JAG2: variants seen among roughly 807,000 people sequenced by gnomAD.
JAG2 encodes the protein jagged canonical Notch ligand 2, also known as protein jagged-2.
A neutral mutation model predicts 141.7 loss-of-function variants in JAG2; 46 were observed. The ratio of observed to expected loss-of-function variants is 0.32; its 90% CI spans 0.26 to 0.42. The LOEUF is 0.42. Among genes scored for constraint, JAG2 ranks in the 10% least tolerant of loss-of-function variants. The pLI is 1.00. For missense variants in JAG2, 1,500 were observed against 1,817.5 expected (o/e 0.83, Z 3.18); for synonymous variants, 862 against 763.5 (o/e 1.13, Z -2.13).
At chr14:105,161,635 C>T (rs1888751004) in intron 2 of JAG2, among the ~76,000 whole-genome samples, 1 of 152,154 alleles carries the variant, frequency 6.6e-6, no homozygotes, top group African/African-American at 2.4e-5. Flanking sequence ...CCTGAGCTGG[C>T]TGACGGGGCG....
rs1889003966 is a variant in JAG2 at position 105,168,659 on chromosome 14, T to A, written c.-239A>T. The A allele has an allele frequency of 6.9e-6, 1 of 145,262 alleles. No individual in the cohort carries two copies. 9.0% of individuals were successfully genotyped at this position (145,262 alleles called of 1,614,324 possible). ...GGCTCGCTGGCGGCCGCGCTCCGGC[T>A]GCCCGGCCCGGCTCCCACCCGGCGG... is the stretch of plus-strand genomic sequence containing the variant. On this transcript the variant is annotated 5_prime_UTR_variant, in exon 1 of 26. Coordinates refer to ENST00000331782, the MANE Select transcript of JAG2 (RefSeq NM_002226.5).
At chr14:105,152,395 C>A in intron 5 of JAG2, 104 bp from the exon 6 acceptor site, 2 of 1,373,416 alleles carry the variant, frequency 1.5e-6, no homozygotes, top group Non-Finnish European at 2.0e-6. Context: ...GGCCGGCGGG[C>A]GGCCTCAGGC....
Position 105,151,699 on chromosome 14 carries a change from G to A in JAG2, c.1080C>T (p.Gly360=). The A allele has an allele frequency of 1.2e-6, 2 of 1,611,396 alleles. No individual in the cohort carries two copies. The highest frequency in any genetic ancestry group is 1.7e-6 in the Non-Finnish European group (2 of 1,179,412). ...AGCCGGACGGCACCTCATGGCAAGA[G>A]CCCCCGTTGGCACACGGGTTGGAGG... is the stretch of plus-strand genomic sequence containing the variant. ...ACTSNPCANG[G]SCHEVPSGFE... The change falls in exon 8 of 26, where the codon GGC becomes GGT. Residue 360 remains glycine, a synonymous_variant. Coordinates refer to ENST00000331782, the MANE Select transcript of JAG2 (RefSeq NM_002226.5).
At chr14:105,144,314 C>T (rs1888157220) in intron 24 of JAG2, among the ~76,000 whole-genome samples, 1 of 152,120 alleles carries the variant, frequency 6.6e-6, no homozygotes, top group South Asian at 2.1e-4. Flanking sequence ...CTTCCCCTGC[C>T]CCTACTGCCC....
At position 105,145,635 on chromosome 14, in the gene JAG2, A is replaced by G. The variant is rs1171159470; in HGVS notation, c.2952+96T>C. ...CAAGAGTGACTCTGCTCAGCCAACC[A>G]GGGCCTCCCTGCCCTGCGGGGCTAG... On this transcript the variant is annotated intron_variant, in intron 23 of 25. Coordinates refer to ENST00000331782, the MANE Select transcript of JAG2 (RefSeq NM_002226.5). The G allele has an allele frequency of 1.2e-5, 18 of 1,481,194 alleles. No homozygotes were observed. In the South Asian group the frequency reaches 1.8e-4, roughly 15 times the overall value. The allele number at this position is 1,481,194 out of a possible 1,614,324, so 91.8% of individuals were successfully genotyped here. A position where few individuals can be genotyped will look rare whatever the true frequency, so the allele number is the denominator to read the frequency against.
chr14:105,165,354 A>G (rs924561484), intron 2 of JAG2, among the ~76,000 whole-genome samples: 1 of 152,202 alleles, frequency 6.6e-6, no homozygotes, highest in African/African-American at 2.4e-5. Flanking sequence ...GCGTGCACAC[A>G]CGCAGCTGGG....
chr14:105,156,074 C>A, intron 3 of JAG2, 85 bp from the exon 4 acceptor site: 1 of 1,529,354 alleles, frequency 6.5e-7, no homozygotes, highest in Non-Finnish European at 8.8e-7. Flanking sequence ...GGGGCAGAAG[C>A]CTGCGGCTGC....
In JAG2 at chr14:105,167,665, C is replaced by A. The variant is rs1888960660; in HGVS notation, c.417+92G>T. 2 of 1,239,946 alleles carry A rather than the reference C, an allele frequency of 1.6e-6. No individual in the cohort carries two copies. The highest frequency in any genetic ancestry group is 1.6e-5 in the African/African-American group (1 of 63,054). 76.8% of individuals were successfully genotyped at this position (1,239,946 alleles called of 1,614,324 possible). A position where few individuals can be genotyped will look rare whatever the true frequency, so the allele number is the denominator to read the frequency against. On this transcript the variant is annotated intron_variant, in intron 2 of 25. Coordinates refer to ENST00000331782, the MANE Select transcript of JAG2 (RefSeq NM_002226.5). This position sits in a 1 kb window ranked among gnomAD's most constrained non-coding sequence, Gnocchi z 4.8. The stretch of plus-strand genomic sequence containing the variant: ...GGGCGCGCGCGGCTCGCACGCAGAC[C>A]CGGCCGCAGGTGTTGGGGGTCGCGA...
intron 12 of JAG2, 29 bp downstream of exon 12, chr14:105,150,575 G>A (rs1217912651): frequency 8.4e-6 from 13 of 1,539,826 alleles, no homozygotes; most frequent in Non-Finnish European, 1.1e-5. Flanking sequence ...AGAGCAGCAG[G>A]TGGGGCAGGG....
chr14:105,164,405 C>T (rs902915604), intron 2 of JAG2, among the ~76,000 whole-genome samples: 10 of 152,208 alleles, frequency 6.6e-5, no homozygotes, highest in African/African-American at 2.4e-4. Flanking sequence ...ACCCAGATGC[C>T]CACATTCCAT....
At chr14:105,152,603 C>A (rs902291787) in intron 5 of JAG2, among the ~76,000 whole-genome samples, 1 of 152,046 alleles carries the variant, frequency 6.6e-6, no homozygotes, top group Admixed American at 6.5e-5. Context: ...GCCGGGACCC[C>A]GGGGATGAGA....
intron 5 of JAG2, among the ~76,000 whole-genome samples, chr14:105,155,205 C>T (rs1218077526): frequency 6.6e-6 from 1 of 151,828 alleles, no homozygotes; most frequent in Non-Finnish European, 1.5e-5. Context: ...GTGTCACTTG[C>T]CGGCCGCTCG....
rs138823032 is a variant in JAG2 at position 105,149,031 on chromosome 14, G to A, written c.1812C>T (p.Gly604=). Residue 604 remains glycine, a synonymous_variant, in exon 14 of 26, where the codon GGC becomes GGT. Coordinates refer to ENST00000331782, the MANE Select transcript of JAG2 (RefSeq NM_002226.5). ...CGCAGCGTCCATGGGGGCCACACAC[G>A]CCGGAGGCTGCTGTGCCAGGCATCC... The part of the protein sequence containing the change: ...GPGMPGTAAS[G]VCGPHGRCVS... The A allele has an allele frequency of 7.8e-5, 125 of 1,606,964 alleles. 1 individual carries two copies. The highest frequency in any genetic ancestry group is 1.1e-4 in the South Asian group (10 of 90,036).
rs1471508403 is a variant in JAG2, at chr14:105,143,551, T to G, written c.3172A>C (p.Asn1058His). 3.1e-6 allele frequency: 5 copies of G among 1,597,132 alleles called. No individual in the cohort carries two copies. In the South Asian group the frequency reaches 4.5e-5, roughly 14 times the overall value. ...AIVAAITQRGNSSLLLAVTEV... is the reference protein window; with the variant it reads ...AIVAAITQRGHSSLLLAVTEV... ...GTGACAGCCAGGAGCAGTGAGCTGT[T>G]CCCCCGCTGGGTGATGGCGGCCACG... The change falls in exon 25 of 26, where the codon AAC (asparagine) becomes CAC (histidine). Residue 1058 changes from asparagine (N) to histidine (H), a missense_variant. Coordinates refer to ENST00000331782, the MANE Select transcript of JAG2 (RefSeq NM_002226.5).
At chr14:105,159,600 CATCCACACCCCCAAAGAACTCA>C (rs965877888) in intron 2 of JAG2, among the ~76,000 whole-genome samples, 13 of 133,952 alleles carry the variant, frequency 9.7e-5, no homozygotes, top group African/African-American at 3.1e-4. Flanking sequence ...CCCAGAGCTC[CATCCACACCCCCAAAGAACTCA>C]ATCCACATCC....
At chr14:105,148,061 C>A (rs950133082) in intron 17 of JAG2, 55 bp downstream of exon 17, 13 of 1,413,692 alleles carry the variant, frequency 9.2e-6, no homozygotes, top group African/African-American at 1.4e-5. Flanking sequence ...CCCGAGGGAG[C>A]GGTGCCTGGG....
chr14:105,145,613 G>T, intron 23 of JAG2, 118 bp downstream of exon 23: 1 of 1,321,300 alleles, frequency 7.6e-7, no homozygotes, highest in South Asian at 1.4e-5. Flanking sequence ...CTGTGACCAA[G>T]AGTGACTCTG....
intron 12 of JAG2, 77 bp from the exon 13 acceptor site, chr14:105,149,397 G>C: frequency 1.3e-6 from 2 of 1,588,378 alleles, no homozygotes; most frequent in East Asian, 4.5e-5. Context: ...CTGTCCATAC[G>C]AAGGTAGATC....
rs1234515520 is a variant in JAG2, at chr14:105,148,944, G to A, written c.1899C>T (p.Cys633=). The A allele has an allele frequency of 3.1e-6, 5 of 1,606,282 alleles. No individual in the cohort carries two copies. Among genetic ancestry groups the A allele is most frequent in the Non-Finnish European group, 4.2e-6 (5 of 1,177,130 alleles). ...ICDSGFTGTY[C]HENIDDCLGQ... is the part of the protein sequence containing the mutation. ...CCGTTCGTGGCCACTCACTCTCATGGCAGTAGGTGCCAGTAAAGCCACTGT... is the reference window on the plus strand; with the variant it reads ...CCGTTCGTGGCCACTCACTCTCATGACAGTAGGTGCCAGTAAAGCCACTGT... The change falls in exon 14 of 26, where the codon TGC becomes TGT. Residue 633 remains cysteine (C), a synonymous_variant. Transcript: ENST00000331782.
Sources: gnomAD v4.1 joint callset for allele counts (sites outside exome capture counted in the v4.1 genomes callset) on GRCh38, gnomAD v4.1.1 for gene constraint, Gnocchi (gnomAD v3.1) non-coding constraint, MANE v1.5 for transcripts, NCBI Gene and HGNC (gene_info 2026-07-23, HGNC 2026-07-21) for gene names.